The following ANTXRL variants were observed in gnomAD, a reference collection of about 807,000 sequenced individuals.
ANTXRL encodes the protein anthrax toxin receptor-like.
ANTXRL carries 63 observed loss-of-function variants against 75.4 expected under a neutral mutation model. The observed-to-expected ratio is 0.84, with a 90% CI of 0.68 to 1.03. The LOEUF (loss-of-function observed/expected upper bound fraction) is 1.03, where lower values mean the gene tolerates loss of function less well. Among genes scored for constraint, ANTXRL ranks in the 50% least tolerant of loss-of-function variants. The pLI, the probability that ANTXRL is intolerant of heterozygous loss-of-function variation, is 0.00. For missense variants in ANTXRL, 797 were observed against 789.4 expected (o/e 1.01, Z -0.12); for synonymous variants, 335 against 291.3 (o/e 1.15, Z -1.53).
chr10:46,296,163 A>G, intron 4 of ANTXRL, 56 bp from the exon 5 acceptor site: 2 of 1,535,252 alleles, frequency 1.3e-6, no homozygotes, highest in Non-Finnish European at 1.7e-6. Flanking sequence ...AAAATCTTAG[A>G]GCATCAGTGG....
rs1554962735 is a variant in ANTXRL, at chr10:46,309,152, C to A, written c.1084C>A (p.Leu362Met). The change falls in exon 13 of 17, where the codon CTG becomes ATG. Residue 362 changes from leucine to methionine, a missense_variant. Leu to Met is a conservative substitution (Grantham distance 15). This residue lies in a region of ANTXRL where 479 missense variants were observed against 422.0 expected (regional missense o/e 1.14). Coordinates refer to ENST00000620264, the MANE Select transcript of ANTXRL (RefSeq NM_001278688.3). ...CTGGCTCTATTTTGTGCCACTCCTG[C>A]TGCTTGTGCCACTGCTGCTGTGTTG... Reference protein sequence around the residue: ...RNWLYFVPLLLLVPLLLCCVW... With the variant: ...RNWLYFVPLLMLVPLLLCCVW... 10 of 1,535,758 alleles carry A rather than the reference C, an allele frequency of 6.5e-6. No homozygotes were observed. The highest frequency in any genetic ancestry group is 7.8e-6 in the Non-Finnish European group (9 of 1,146,658).
chr10:46,302,650 G>T, intron 9 of ANTXRL, 72 bp from the exon 10 acceptor site: 2 of 1,152,660 alleles, frequency 1.7e-6, no homozygotes, highest in Non-Finnish European at 2.5e-6. Context: ...TGGATCTCCA[G>T]GAATAGGGAG....
intron 10 of ANTXRL, among the ~76,000 whole-genome samples, chr10:46,306,017 A>C (rs74129855): frequency 0.063 from 9,505 of 151,886 alleles, 596 homozygotes; most frequent in African/African-American, 0.17. Context: ...AAGAAATAAA[A>C]CCCCAACCCC....
At position 46,293,359 on chromosome 10, in the gene ANTXRL, C is replaced by CCTGT. The variant is rs1565015075; in HGVS notation, c.321-470_321-469insCTGT. ...GTGCGTGTGTGCGTGCATGTGTGTG[C>CCTGT]ATGTGAGTGTGCCTGTGTGTGAGTG... On this transcript the variant is annotated intron_variant, in intron 2 of 16. Transcript: ENST00000620264. Among the ~76,000 whole-genome samples the CCTGT allele has an allele frequency of 4.1e-3, 491 of 120,348 alleles. 8 individuals are homozygous for CCTGT. Among genetic ancestry groups the CCTGT allele is most frequent in the African/African-American group, 0.016 (476 of 29,618 alleles). The allele number at this position is 120,348 out of a possible 152,430, so 79.0% of individuals were successfully genotyped here.
At chr10:46,327,657 G>A (rs1839289774) in intron 16 of ANTXRL, among the ~76,000 whole-genome samples, 2 of 152,228 alleles carry the variant, frequency 1.3e-5, no homozygotes, top group South Asian at 4.1e-4. Context: ...CAGCATTTGA[G>A]GCATTTGTCA....
chr10:46,287,570 A>C, intron 1 of ANTXRL, 60 bp downstream of exon 1: 1 of 1,492,428 alleles, frequency 6.7e-7, no homozygotes, highest in East Asian at 2.5e-5. Context: ...TCTCTTTTTC[A>C]CTAGGGACAG....
chr10:46,308,126 A>G (rs1233334549), intron 12 of ANTXRL, among the ~76,000 whole-genome samples: 4 of 151,880 alleles, frequency 2.6e-5, no homozygotes, highest in African/African-American at 9.7e-5. Flanking sequence ...GCCTGAGCCC[A>G]CTCCACTGCC....
chr10:46,302,834 T>G lies in ANTXRL; in HGVS notation c.895+14T>G, dbSNP rs1554960905. The G allele has an allele frequency of 1.3e-6, 2 of 1,506,170 alleles. No individual in the cohort carries two copies. Among genetic ancestry groups the G allele is most frequent in the Admixed American group, 3.9e-5 (2 of 50,938 alleles). 93.3% of individuals were successfully genotyped at this position (1,506,170 alleles called of 1,614,324 possible). On this transcript the variant is annotated intron_variant, in intron 10 of 16. Transcript: ENST00000620264. The stretch of plus-strand genomic sequence containing the variant: ...GCACTATCATTGGTAAGTTGTCTCC[T>G]CTGTGCCTCTGAGTCACGTATTTCC...
intron 10 of ANTXRL, among the ~76,000 whole-genome samples, chr10:46,303,830 G>T (rs1209995716): frequency 1.3e-5 from 2 of 152,134 alleles, no homozygotes; most frequent in African/African-American, 4.8e-5. Context: ...CTTCCCCACT[G>T]AGGGCCTGGG....
intron 6 of ANTXRL, 21 bp from the exon 7 acceptor site, chr10:46,297,385 G>A: frequency 2.6e-6 from 4 of 1,536,082 alleles, no homozygotes; most frequent in South Asian, 1.2e-5. Context: ...TGACCAATAT[G>A]CAATGCCTTC....
intron 3 of ANTXRL, among the ~76,000 whole-genome samples, chr10:46,295,189 C>T (rs1309175641): frequency 2.0e-5 from 3 of 152,140 alleles, no homozygotes. Flanking sequence ...AGCAGATTTG[C>T]TACTTCCTGT....
chr10:46,307,556 G>T (rs1416223043), intron 12 of ANTXRL, 76 bp downstream of exon 12: 7 of 1,359,182 alleles, frequency 5.2e-6, no homozygotes, highest in Non-Finnish European at 7.1e-6. Context: ...CACAGAAAAG[G>T]CAGACCGTTC....
intron 2 of ANTXRL, among the ~76,000 whole-genome samples, chr10:46,292,433 A>C (rs1837031731): frequency 6.6e-6 from 1 of 152,082 alleles, no homozygotes; most frequent in Non-Finnish European, 1.5e-5. Context: ...CAGTCCTGGA[A>C]CTCCGAGTTG....
At chr10:46,312,121 C>T (rs868982378) in intron 15 of ANTXRL, among the ~76,000 whole-genome samples, 2 of 149,294 alleles carry the variant, frequency 1.3e-5, no homozygotes, top group African/African-American at 2.5e-5. Context: ...CTCACCACCA[C>T]GAACACTGCA....
At chr10:46,321,329 G>C (rs1838968399) in intron 16 of ANTXRL, among the ~76,000 whole-genome samples, 1 of 152,190 alleles carries the variant, frequency 6.6e-6, no homozygotes, top group African/African-American at 2.4e-5. Flanking sequence ...CATGATGTCA[G>C]AGAAATCTTA....
intron 1 of ANTXRL, among the ~76,000 whole-genome samples, chr10:46,288,962 GT>G (rs1300669420): frequency 3.3e-5 from 5 of 152,198 alleles, no homozygotes; most frequent in African/African-American, 1.2e-4. Context: ...AATGAGCCAG[GT>G]CATGGCCAGG....
At chr10:46,297,604 C>A in intron 7 of ANTXRL, 130 bp downstream of exon 7, 2 of 961,452 alleles carry the variant, frequency 2.1e-6, no homozygotes, top group Non-Finnish European at 3.1e-6. Flanking sequence ...ATGGCCACTG[C>A]AGAAGTGATT....
rs1318316306 is a variant in ANTXRL, at chr10:46,329,464, G to A, written c.1411-135G>A. The A allele has an allele frequency of 5.2e-6, 6 of 1,155,670 alleles. No individual in the cohort carries two copies. The South Asian group carries it at 6.5e-5, about 13-fold the overall frequency. The allele number at this position is 1,155,670 out of a possible 1,614,324, so 71.6% of individuals were successfully genotyped here. A position where few individuals can be genotyped will look rare whatever the true frequency, so the allele number is the denominator to read the frequency against. ...CTGGAGGCAGCACCAAGGGGAGAGA[G>A]GAGGAGCACAGCAAGGCCCACCCTG... On this transcript the variant is annotated intron_variant, in intron 16 of 16. Coordinates refer to ENST00000620264, the MANE Select transcript of ANTXRL (RefSeq NM_001278688.3).
At chr10:46,289,851 T>C (rs576965769) in intron 1 of ANTXRL, among the ~76,000 whole-genome samples, 1 of 152,262 alleles carries the variant, frequency 6.6e-6, no homozygotes, top group Admixed American at 6.5e-5. Flanking sequence ...GTTTGCCTAT[T>C]GTAGGTACTT....
Sources: gnomAD v4.1 joint callset for allele counts (sites outside exome capture counted in the v4.1 genomes callset) on GRCh38, gnomAD v4.1.1 for gene constraint, gnomAD v4.1.1 regional missense constraint, MANE v1.5 for transcripts, NCBI Gene and HGNC (gene_info 2026-07-23, HGNC 2026-07-21) for gene names.